RANBP2: variants seen among roughly 807,000 people sequenced by gnomAD.
RANBP2 encodes E3 SUMO-protein ligase RanBP2.
In RANBP2, 57 loss-of-function variants were observed where a neutral mutation model predicts 303.6. The ratio of observed to expected loss-of-function variants is 0.19; its 90% CI spans 0.15 to 0.23. The LOEUF (loss-of-function observed/expected upper bound fraction) is 0.23. Ranked by LOEUF, RANBP2 falls within the 10% of genes least tolerant of loss-of-function variation. The pLI, the probability that RANBP2 is intolerant of heterozygous loss-of-function variation, is 1.00. For synonymous variants in RANBP2, 1,167 were observed against 1,301.5 expected, an observed-to-expected ratio of 0.90 and a Z score of 2.23; for missense variants, 3,138 against 3,780.8, an observed-to-expected ratio of 0.83 and a Z score of 4.46.
At chr2:109,765,822 A>G in the RANBP2 span, among the ~76,000 whole-genome samples, 1 of 150,920 alleles carries the variant, frequency 6.6e-6, no homozygotes, top group Admixed American at 6.7e-5. Flanking sequence ...ATCAACTGCC[A>G]GGGGACATGC....
At chr2:109,368,885 C>T in the RANBP2 span, among the ~76,000 whole-genome samples, 2 of 152,144 alleles carry the variant, frequency 1.3e-5, no homozygotes, top group Admixed American at 6.5e-5. Context: ...TATGTGACAG[C>T]GAAGCCTTAG....
chr2:109,119,405 GTAT>G, the RANBP2 span, among the ~76,000 whole-genome samples: 16 of 152,092 alleles, frequency 1.1e-4, no homozygotes, highest in Non-Finnish European at 1.9e-4. Context: ...ATACACATGA[GTAT>G]TATTTATAAT....
the RANBP2 span, among the ~76,000 whole-genome samples, chr2:109,701,219 C>A: frequency 6.6e-6 from 1 of 152,054 alleles, no homozygotes; most frequent in South Asian, 2.1e-4. Context: ...AAAGGCAAGT[C>A]GGAAAAAAAC....
chr2:109,679,675 A>T, the RANBP2 span, among the ~76,000 whole-genome samples: 1 of 152,184 alleles, frequency 6.6e-6, no homozygotes, highest in Non-Finnish European at 1.5e-5. Context: ...ACATTGCCTC[A>T]ATCAGACCAT....
chr2:109,627,025 G>A, the RANBP2 span, among the ~76,000 whole-genome samples: 5 of 152,092 alleles, frequency 3.3e-5, no homozygotes, highest in Middle Eastern at 3.2e-3. Context: ...GAACAGGGCT[G>A]GGTGTAGTGG....
chr2:109,580,257 T>G, the RANBP2 span, among the ~76,000 whole-genome samples: 1 of 151,198 alleles, frequency 6.6e-6, no homozygotes, highest in Non-Finnish European at 1.5e-5. Flanking sequence ...GTATCTAAAA[T>G]TATAAGGTTA....
chr2:109,004,226 CT>C, the RANBP2 span, among the ~76,000 whole-genome samples: 1 of 152,144 alleles, frequency 6.6e-6, no homozygotes, highest in South Asian at 2.1e-4. Flanking sequence ...AAGGGATGAC[CT>C]TAGGACCCCT....
At chr2:109,602,237 T>G in the RANBP2 span, among the ~76,000 whole-genome samples, 1 of 152,068 alleles carries the variant, frequency 6.6e-6, no homozygotes, top group African/African-American at 2.4e-5. Context: ...TGAGAGAAAG[T>G]TTGTGATGTG....
the RANBP2 span, among the ~76,000 whole-genome samples, chr2:108,982,046 T>TA: frequency 2.6e-5 from 4 of 152,216 alleles, no homozygotes; most frequent in African/African-American, 9.6e-5. Context: ...CAGGGACAGA[T>TA]GTTTAACGGC....
At chr2:108,843,891 T>TC in the RANBP2 span, among the ~76,000 whole-genome samples, 7 of 141,576 alleles carry the variant, frequency 4.9e-5, no homozygotes, top group East Asian at 2.0e-4. Flanking sequence ...TCTTTCTTTT[T>TC]TTTTTTTTTT....
chr2:109,101,581 T>C, the RANBP2 span, among the ~76,000 whole-genome samples: 1 of 152,008 alleles, frequency 6.6e-6, no homozygotes, highest in Non-Finnish European at 1.5e-5. Flanking sequence ...AAAAACCCCA[T>C]ACTGTGCAAT....
In RANBP2 at chr2:108,719,601, G is replaced by A. The variant is rs375935894; in HGVS notation, c.-6G>A. The A allele has an allele frequency of 3.7e-6, 6 of 1,602,986 alleles. No individual in the cohort carries two copies. The African/African-American group carries it at 4.0e-5, about 11-fold the overall frequency. The stretch of plus-strand genomic sequence containing the variant: ...CACGCGCCTCGGGAGCCAGGTTGGC[G>A]GCGCGATGAGGCGCAGCAAGGCTGA... On this transcript the variant is annotated 5_prime_UTR_variant, in exon 1 of 29. Transcript: ENST00000283195.
the RANBP2 span, among the ~76,000 whole-genome samples, chr2:109,408,520 G>A: frequency 2.0e-5 from 3 of 152,192 alleles, no homozygotes; most frequent in Non-Finnish European, 2.9e-5. Flanking sequence ...TCCCACACGC[G>A]CTCACGCCCA....
the RANBP2 span, among the ~76,000 whole-genome samples, chr2:109,515,029 G>T: frequency 1.3e-5 from 2 of 152,144 alleles, no homozygotes; most frequent in East Asian, 3.9e-4. Flanking sequence ...CCCTGCCCTG[G>T]GGCCTGAATG....
At chr2:108,856,825 T>C in the RANBP2 span, 1 of 1,613,264 alleles carries the variant, frequency 6.2e-7, no homozygotes, top group South Asian at 1.1e-5. Flanking sequence ...TTGATTCTCT[T>C]TGTTTGGACT....
chr2:108,806,321 T>C, the RANBP2 span, among the ~76,000 whole-genome samples: 2 of 152,352 alleles, frequency 1.3e-5, no homozygotes, highest in Non-Finnish European at 2.9e-5. Context: ...CATACCTATC[T>C]CTTAGGTTTC....
At chr2:108,857,349 G>A in the RANBP2 span, among the ~76,000 whole-genome samples, 1,183 of 152,102 alleles carry the variant, frequency 7.8e-3, 21 homozygotes, top group African/African-American at 0.026. Context: ...GATTACAGGC[G>A]TGAGCCACTG....
At chr2:108,841,208 G>A in the RANBP2 span, among the ~76,000 whole-genome samples, 5 of 152,112 alleles carry the variant, frequency 3.3e-5, no homozygotes, top group Non-Finnish European at 7.4e-5. Context: ...TATTGTTGAG[G>A]TTGTTTTATG....
chr2:109,337,875 G>A, the RANBP2 span, among the ~76,000 whole-genome samples: 1 of 151,676 alleles, frequency 6.6e-6, no homozygotes, highest in African/African-American at 2.4e-5. Context: ...CTGCAGGCAT[G>A]CACCACCACG....
Sources: allele counts gnomAD v4.1 joint callset (sites outside exome capture counted in the v4.1 genomes callset), GRCh38; gene constraint gnomAD v4.1.1; transcripts MANE v1.5; gene names NCBI Gene and HGNC (gene_info 2026-07-23, HGNC 2026-07-21).